EIF2AK1: variants seen among roughly 807,000 people sequenced by gnomAD.
EIF2AK1 encodes eukaryotic translation initiation factor 2 alpha kinase 1, also known as eukaryotic translation initiation factor 2-alpha kinase 1.
EIF2AK1 carries 54 observed loss-of-function variants against 77.9 expected under a neutral mutation model. The observed-to-expected ratio is 0.69, with a 90% CI of 0.56 to 0.87. The LOEUF (loss-of-function observed/expected upper bound fraction) is 0.87. EIF2AK1 is among the 40% of genes least tolerant of loss of function. EIF2AK1 has a pLI of 0.00. For synonymous variants in EIF2AK1, 314 were observed against 290.5 expected (o/e 1.08, Z -0.82); for missense variants, 810 against 768.6 (o/e 1.05, Z -0.64).
intron 11 of EIF2AK1, chr7:6,031,696 A>T: frequency 1.9e-6 from 2 of 1,069,382 alleles, no homozygotes; most frequent in Non-Finnish European, 2.7e-6. Context: ...CCTTATGAGA[A>T]TGAGACACGA....
At chr7:6,043,992 G>A (rs1325669560) in intron 7 of EIF2AK1, among the ~76,000 whole-genome samples, 4 of 151,618 alleles carry the variant, frequency 2.6e-5, no homozygotes, top group Admixed American at 1.3e-4. Flanking sequence ...CCAGCTACTC[G>A]GGAGGCTGAG....
chr7:6,026,770 G>A lies in EIF2AK1; in HGVS notation c.1722C>T (p.Ala574=). 1.2e-6 allele frequency: 2 copies of A among 1,614,176 alleles called. No individual in the cohort carries two copies. Among genetic ancestry groups the A allele is most frequent in the East Asian group, 2.2e-5 (1 of 44,884 alleles). The change falls in exon 14 of 15, where the codon GCC becomes GCT. Residue 574 remains alanine (A), a synonymous_variant. Coordinates refer to ENST00000199389, the MANE Select transcript of EIF2AK1 (RefSeq NM_014413.4). ...TRRNSSQRPS[A]IQLLQSELFQ... ...AAAGTTCACTCTGCAGCAGCTGAAT[G>A]GCAGATGGTCTCTGCGATGAGTTCC...
chr7:6,024,553 G>A lies in EIF2AK1; in HGVS notation c.*120C>T. Reference sequence around the variant, plus strand: ...AAGGAACGGCAGCTTGGGGCACTCTGACATCTTTAACAAGTCTTGTAAAGG... The same window carrying A: ...AAGGAACGGCAGCTTGGGGCACTCTAACATCTTTAACAAGTCTTGTAAAGG... On this transcript the variant is annotated 3_prime_UTR_variant, in exon 15 of 15. Transcript: ENST00000199389. 4.8e-5 allele frequency: 73 copies of A among 1,518,442 alleles called. No individual in the cohort carries two copies. The highest frequency in any genetic ancestry group is 6.4e-5 in the Non-Finnish European group (73 of 1,140,716). The allele number at this position is 1,518,442 out of a possible 1,614,324, so 94.1% of individuals were successfully genotyped here. A position where few individuals can be genotyped will look rare whatever the true frequency, so the allele number is the denominator to read the frequency against.
Position 6,036,274 on chromosome 7 carries a change from G to C in EIF2AK1, c.1332+1150C>G, listed in dbSNP as rs1019225420. The C allele has an allele frequency of 2.5e-5, 38 of 1,549,594 alleles. No homozygotes were observed. Among genetic ancestry groups the C allele is most frequent in the Non-Finnish European group, 3.0e-5 (34 of 1,146,810 alleles). ...TTATCCCTACAGGGTATCTGCAAAA[G>C]AAACATCAGGAATATTTATGGTGAG... On this transcript the variant is annotated intron_variant, in intron 11 of 14. Coordinates refer to ENST00000199389, the MANE Select transcript of EIF2AK1 (RefSeq NM_014413.4). The surrounding 1 kb of genome is among the most constrained non-coding windows in gnomAD (Gnocchi z 4.6).
intron 2 of EIF2AK1, 140 bp from the exon 3 acceptor site, chr7:6,050,185 G>A (rs557863317): frequency 8.6e-6 from 6 of 696,822 alleles, no homozygotes; most frequent in African/African-American, 3.7e-5. Flanking sequence ...TTATAAACAC[G>A]TTAAACTTGG....
In EIF2AK1 at chr7:6,040,952, C is replaced by T; in HGVS notation, c.1059G>A (p.Glu353=). The T allele has an allele frequency of 1.2e-6, 2 of 1,614,178 alleles. No homozygotes were observed. The highest frequency in any genetic ancestry group is 1.7e-6 in the Non-Finnish European group (2 of 1,180,038). Residue 353 remains glutamate (E), a synonymous_variant, in exon 9 of 15, where the codon GAG becomes GAA. Coordinates refer to ENST00000199389, the MANE Select transcript of EIF2AK1 (RefSeq NM_014413.4). ...LPLRRNSHLE[E]SFTSTEESSE... Reference sequence around the variant, plus strand: ...AAGATTCTTCGGTGGATGTGAAACTCTCCTCTAGGTGGGAATTACGCCTGA... The same window carrying T: ...AAGATTCTTCGGTGGATGTGAAACTTTCCTCTAGGTGGGAATTACGCCTGA...
intron 1 of EIF2AK1, chr7:6,058,208 G>T (rs1458546689): frequency 2.2e-6 from 1 of 453,612 alleles, no homozygotes; most frequent in East Asian, 7.0e-5. Flanking sequence ...CCAGGCGTTC[G>T]AGACCAGCCT....
chr7:6,054,666 GTTCTTTTAACACCTGGAT>G lies in EIF2AK1; in HGVS notation c.139_156del (p.Ile47_Glu52del), dbSNP rs1788701190. Reference sequence around the variant, plus strand: ...AAAGGGAAGGTTGGCTGTTGTAGGGGTTCTTTTAACACCTGGATTTCTGCTGGAACATCAGATTCTAAA... The same window carrying G: ...AAAGGGAAGGTTGGCTGTTGTAGGGGTTCTGCTGGAACATCAGATTCTAAA... On this transcript the variant is annotated inframe_deletion, in exon 2 of 15. Transcript: ENST00000199389. The G allele has an allele frequency of 6.2e-7, 1 of 1,613,950 alleles. No homozygotes were observed. The highest frequency in any genetic ancestry group is 8.5e-7 in the Non-Finnish European group (1 of 1,179,988).
intron 1 of EIF2AK1, among the ~76,000 whole-genome samples, chr7:6,056,764 C>G (rs1023588252): frequency 3.3e-5 from 5 of 151,122 alleles, no homozygotes; most frequent in Non-Finnish European, 5.9e-5. Flanking sequence ...CAAAAATTAT[C>G]TTTAGTTTGC....
chr7:6,033,012 A>T lies in EIF2AK1; in HGVS notation c.1333-3980T>A. 1 of 1,302,398 alleles carries T rather than the reference A, an allele frequency of 7.7e-7. No homozygotes were observed. Among genetic ancestry groups the T allele is most frequent in the South Asian group, 1.3e-5 (1 of 76,642 alleles). 80.7% of individuals were successfully genotyped at this position (1,302,398 alleles called of 1,614,324 possible). ...AGGCAGGGGTCTCGCTCTGTTGCCC[A>T]GGCTGGAGTGCAATGGCACAATCTC... is the stretch of plus-strand genomic sequence containing the variant. On this transcript the variant is annotated intron_variant, in intron 11 of 14. Coordinates refer to ENST00000199389, the MANE Select transcript of EIF2AK1 (RefSeq NM_014413.4). This position sits in a 1 kb window ranked among gnomAD's most constrained non-coding sequence, Gnocchi z 4.4.
At position 6,037,481 on chromosome 7, in the gene EIF2AK1, T is replaced by C. The variant is rs759126486; in HGVS notation, c.1275A>G (p.Glu425=). 1.9e-6 allele frequency: 3 copies of C among 1,613,380 alleles called. No homozygotes were observed. In the South Asian group the frequency reaches 3.3e-5, roughly 18 times the overall value. Residue 425 remains glutamate, a synonymous_variant, in exon 11 of 15, where the codon GAA becomes GAG. Coordinates refer to ENST00000199389, the MANE Select transcript of EIF2AK1 (RefSeq NM_014413.4). ...MANVATKIFQ[E]LVEGVFYIHN... ...GTATGTAAAACACACCTTCTACCAA[T>C]TCTTGAAAAATTTTTGTTGCAACAT...
intron 11 of EIF2AK1, among the ~76,000 whole-genome samples, chr7:6,029,632 T>G (rs1787844619): frequency 6.6e-6 from 1 of 152,202 alleles, no homozygotes; most frequent in African/African-American, 2.4e-5. Context: ...GAGCATGCTT[T>G]GTACACAAGT....
chr7:6,050,225 ATT>A (rs149665123), intron 2 of EIF2AK1, among the ~76,000 whole-genome samples, 180 bp from the exon 3 acceptor site: 1 of 151,730 alleles, frequency 6.6e-6, no homozygotes, highest in African/African-American at 2.4e-5. Context: ...CGTAAAAGAA[ATT>A]TTTTTTTGAG....
Position 6,044,548 on chromosome 7 carries a change from C to A in EIF2AK1, c.730+14G>T. On this transcript the variant is annotated intron_variant, in intron 7 of 14. Coordinates refer to ENST00000199389, the MANE Select transcript of EIF2AK1 (RefSeq NM_014413.4). ...GCCAACGCTTCAACTACCATACCAT[C>A]AAAAACGGCTTACCTCGTGGCTGAA... 2 of 1,609,182 alleles carry A rather than the reference C, an allele frequency of 1.2e-6. No homozygotes were observed. The highest frequency in any genetic ancestry group is 8.5e-7 in the Non-Finnish European group (1 of 1,177,100).
At chr7:6,039,052 A>G (rs1280325290) in intron 9 of EIF2AK1, among the ~76,000 whole-genome samples, 4 of 152,164 alleles carry the variant, frequency 2.6e-5, no homozygotes, top group Non-Finnish European at 5.9e-5. Flanking sequence ...GAAAGCATCA[A>G]AGAATGGCTG....
At chr7:6,051,650 G>A (rs1417259912) in intron 2 of EIF2AK1, among the ~76,000 whole-genome samples, 8 of 151,618 alleles carry the variant, frequency 5.3e-5, no homozygotes, top group Non-Finnish European at 7.4e-5. Flanking sequence ...GGCTGGTCTC[G>A]AACACCTGAC....
At chr7:6,047,347 C>G (rs1045415799) in intron 4 of EIF2AK1, 15 of 542,496 alleles carry the variant, frequency 2.8e-5, no homozygotes, top group Non-Finnish European at 4.5e-5. Context: ...TCACTAACAG[C>G]CAGCAGTTGG....
Position 6,032,761 on chromosome 7 carries a change from T to C in EIF2AK1, c.1333-3729A>G, listed in dbSNP as rs1358309121. The C allele has an allele frequency of 5.6e-6, 7 of 1,256,162 alleles. No individual in the cohort carries two copies. The highest frequency in any genetic ancestry group is 2.7e-5 in the South Asian group (2 of 75,078). The allele number at this position is 1,256,162 out of a possible 1,614,324, so 77.8% of individuals were successfully genotyped here. Reference sequence around the variant, plus strand: ...GAGACACTAAATAAATGTATTGCCTTTGAAACGGCAAGCTAACACAAACAG... The same window carrying C: ...GAGACACTAAATAAATGTATTGCCTCTGAAACGGCAAGCTAACACAAACAG... On this transcript the variant is annotated intron_variant, in intron 11 of 14. Coordinates refer to ENST00000199389, the MANE Select transcript of EIF2AK1 (RefSeq NM_014413.4). The surrounding 1 kb of genome is among the most constrained non-coding windows in gnomAD (Gnocchi z 4.3).
rs974737599 is a variant in EIF2AK1 at position 6,036,262 on chromosome 7, G to A, written c.1332+1162C>T. 2 of 1,549,864 alleles carry A rather than the reference G, an allele frequency of 1.3e-6. No individual in the cohort carries two copies. Among genetic ancestry groups the A allele is most frequent in the African/African-American group, 1.4e-5 (1 of 72,950 alleles). The stretch of plus-strand genomic sequence containing the variant: ...TCGCAAAAACCTTTATCCCTACAGG[G>A]TATCTGCAAAAGAAACATCAGGAAT... On this transcript the variant is annotated intron_variant, in intron 11 of 14. Transcript: ENST00000199389. The surrounding 1 kb of genome is among the most constrained non-coding windows in gnomAD (Gnocchi z 4.6).
Sources: allele counts gnomAD v4.1 joint callset (sites outside exome capture counted in the v4.1 genomes callset), GRCh38; gene constraint gnomAD v4.1.1; non-coding constraint Gnocchi (gnomAD v3.1); transcripts MANE v1.5; gene names NCBI Gene and HGNC (gene_info 2026-07-23, HGNC 2026-07-21).